The following SEMA6D variants were observed in gnomAD, a reference collection of about 807,000 sequenced individuals.
The protein encoded by SEMA6D is semaphorin 6D, also known as semaphorin-6D.
Under a neutral mutation model 106.6 loss-of-function variants are expected in SEMA6D, and 35 were observed. The observed-to-expected ratio is 0.33, with a 90% CI of 0.25 to 0.44. The LOEUF (loss-of-function observed/expected upper bound fraction) is 0.44. Among genes scored for constraint, SEMA6D ranks in the 20% least tolerant of loss-of-function variants. The pLI, the probability that SEMA6D is intolerant of heterozygous loss-of-function variation, is 1.00. For missense variants in SEMA6D, 1,185 were observed against 1,345.9 expected (o/e 0.88, Z 1.87); for synonymous variants, 499 against 487.7 (o/e 1.02, Z -0.31).
chr15:47,454,972 A>T (rs1328739763), intron 2 of SEMA6D, among the ~76,000 whole-genome samples: 1 of 151,934 alleles, frequency 6.6e-6, no homozygotes, highest in East Asian at 1.9e-4. Context: ...CTATGATAGA[A>T]GGGTTAATAA....
intron 4 of SEMA6D, among the ~76,000 whole-genome samples, chr15:47,657,931 G>A (rs755783597): frequency 4.0e-4 from 60 of 150,834 alleles, no homozygotes; most frequent in Non-Finnish European, 2.5e-4. Flanking sequence ...TAGTAGAGAC[G>A]GGGTTTCGCC....
intron 4 of SEMA6D, among the ~76,000 whole-genome samples, chr15:47,639,924 A>G (rs1351398652): frequency 6.6e-6 from 1 of 152,184 alleles, no homozygotes; most frequent in Non-Finnish European, 1.5e-5. Flanking sequence ...GATTTTCTGG[A>G]TCGGATCCTG....
chr15:47,270,458 C>CT (rs984145287), intron 1 of SEMA6D, among the ~76,000 whole-genome samples: 2 of 151,076 alleles, frequency 1.3e-5, no homozygotes, highest in Admixed American at 6.6e-5. Context: ...CCTTTTCCTT[C>CT]TTTTTTTTTC....
intron 4 of SEMA6D, among the ~76,000 whole-genome samples, chr15:47,708,315 G>T (rs1259090617): frequency 2.0e-5 from 3 of 152,074 alleles, no homozygotes; most frequent in Admixed American, 6.6e-5. Context: ...ACTAATCGTG[G>T]CCCCAGTATA....
intron 3 of SEMA6D, among the ~76,000 whole-genome samples, chr15:47,600,411 T>A (rs1264270608): frequency 6.6e-6 from 1 of 151,996 alleles, no homozygotes. Flanking sequence ...TGAAGAAAAA[T>A]GAGATATGAT....
At chr15:47,292,908 G>A (rs2035651669) in intron 1 of SEMA6D, among the ~76,000 whole-genome samples, 2 of 152,172 alleles carry the variant, frequency 1.3e-5, no homozygotes, top group Admixed American at 1.3e-4. Context: ...CTGCTTGGCA[G>A]TCTTTGCATC....
At chr15:47,585,574 A>G (rs1489046419) in intron 3 of SEMA6D, among the ~76,000 whole-genome samples, 3 of 152,216 alleles carry the variant, frequency 2.0e-5, no homozygotes, top group African/African-American at 7.2e-5. Context: ...CACCTTTTCT[A>G]CAACAAGTTT....
At chr15:47,327,135 G>A (rs1731901860) in intron 1 of SEMA6D, among the ~76,000 whole-genome samples, 1 of 152,130 alleles carries the variant, frequency 6.6e-6, no homozygotes, top group South Asian at 2.1e-4. Flanking sequence ...CTGGAACTGG[G>A]CCAGCATCCT....
At chr15:47,561,659 G>A (rs1046598452) in intron 3 of SEMA6D, among the ~76,000 whole-genome samples, 8 of 150,810 alleles carry the variant, frequency 5.3e-5, no homozygotes, top group Admixed American at 5.3e-4. Context: ...TTTTTTAAGG[G>A]TATTTTAAAT....
intron 4 of SEMA6D, among the ~76,000 whole-genome samples, chr15:47,641,315 G>A (rs1443789079): frequency 2.0e-5 from 3 of 152,176 alleles, no homozygotes; most frequent in African/African-American, 7.2e-5. Flanking sequence ...GAAAGTGCGA[G>A]AACTGAGTGT....
chr15:47,564,464 C>T (rs774004597), intron 3 of SEMA6D, among the ~76,000 whole-genome samples: 2 of 152,158 alleles, frequency 1.3e-5, no homozygotes, highest in Non-Finnish European at 2.9e-5. Flanking sequence ...TCTCTCAAAA[C>T]AGAATTTTTT....
chr15:47,234,922 A>T (rs951260806), intron 1 of SEMA6D, among the ~76,000 whole-genome samples: 7 of 152,090 alleles, frequency 4.6e-5, no homozygotes, highest in Non-Finnish European at 7.4e-5. Context: ...AGAAAACTCC[A>T]AACTGTTTCC....
At position 47,261,302 on chromosome 15, in the gene SEMA6D, G is replaced by A. The variant is rs937581843; in HGVS notation, c.-239+76884G>A. 2.0e-5 allele frequency among the ~76,000 whole-genome samples: 3 copies of A among 152,238 alleles called. No individual in the cohort carries two copies. In the East Asian group the frequency reaches 5.8e-4, roughly 29 times the overall value. ...ATTGTATTGGTAGCACCTGTAACCCGACCTGCCAGGTTAGGTGAATATTAC... is the reference window on the plus strand; with the variant it reads ...ATTGTATTGGTAGCACCTGTAACCCAACCTGCCAGGTTAGGTGAATATTAC... On this transcript the variant is annotated intron_variant, in intron 1 of 19. Coordinates refer to the SEMA6D transcript ENST00000558014.
rs1317694299 is a variant in SEMA6D, at chr15:47,763,831, G to T, written c.748-19G>T. 6.2e-7 allele frequency: 1 copy of T among 1,607,420 alleles called. No homozygotes were observed. Among genetic ancestry groups the T allele is most frequent in the African/African-American group, 1.3e-5 (1 of 74,726 alleles). On this transcript the variant is annotated intron_variant, in intron 9 of 18. Transcript: ENST00000536845. Reference sequence around the variant, plus strand: ...TCCATGCTCATAACCCCATTGCTTTGCTTCTATCCGTTGGGCAGGCTGTGT... The same window carrying T: ...TCCATGCTCATAACCCCATTGCTTTTCTTCTATCCGTTGGGCAGGCTGTGT...
At chr15:47,441,940 C>T (rs1017191508) in intron 2 of SEMA6D, among the ~76,000 whole-genome samples, 2 of 152,008 alleles carry the variant, frequency 1.3e-5, no homozygotes, top group African/African-American at 4.8e-5. Flanking sequence ...TATTATAACT[C>T]AATGAGATAA....
intron 1 of SEMA6D, among the ~76,000 whole-genome samples, chr15:47,234,620 T>C (rs1221562892): frequency 6.6e-6 from 1 of 152,100 alleles, no homozygotes; most frequent in African/African-American, 2.4e-5. Context: ...ATTCCTGAAT[T>C]ACTTCACTTG....
intron 1 of SEMA6D, among the ~76,000 whole-genome samples, chr15:47,194,938 C>G (rs1357469505): frequency 6.6e-6 from 1 of 152,162 alleles, no homozygotes; most frequent in Non-Finnish European, 1.5e-5. Flanking sequence ...TCAAACTTAA[C>G]TAGTGCATTC....
chr15:47,712,609 G>A (rs138518022), upstream of SEMA6D, among the ~76,000 whole-genome samples: 15 of 152,120 alleles, frequency 9.9e-5, no homozygotes, highest in Non-Finnish European at 2.1e-4. Flanking sequence ...ATATTAGGTG[G>A]GGAGGTTTGT....
At chr15:47,290,958 A>G (rs1362405941) in intron 1 of SEMA6D, among the ~76,000 whole-genome samples, 1 of 152,230 alleles carries the variant, frequency 6.6e-6, no homozygotes, top group Non-Finnish European at 1.5e-5. Flanking sequence ...CTTATACAGA[A>G]CCATTTATGT....
Sources: gnomAD v4.1 joint callset for allele counts (sites outside exome capture counted in the v4.1 genomes callset) on GRCh38, gnomAD v4.1.1 for gene constraint, MANE v1.5 for transcripts, NCBI Gene and HGNC (gene_info 2026-07-23, HGNC 2026-07-21) for gene names.